Variants in ZC3H4 observed in about 807,000 individuals in gnomAD.
The protein encoded by ZC3H4 is zinc finger CCCH domain-containing protein 4.
A neutral mutation model predicts 108.3 loss-of-function variants in ZC3H4; 13 were observed. That is an observed-to-expected ratio of 0.12 (90% CI 0.08 to 0.19). ZC3H4 has a LOEUF of 0.19. ZC3H4 is among the 10% of genes least tolerant of loss of function. The probability of loss-of-function intolerance (pLI) is 1.00; values close to 1 mark genes in which losing one functional copy is unlikely to be tolerated. For synonymous variants in ZC3H4, 917 were observed against 749.6 expected, an observed-to-expected ratio of 1.22 and a Z score of -3.65; for missense variants, 1,734 against 1,838.8, an observed-to-expected ratio of 0.94 and a Z score of 1.04.
At chr19:47,096,093 A>C (rs572210567) in intron 2 of ZC3H4, among the ~76,000 whole-genome samples, 12 of 152,278 alleles carry the variant, frequency 7.9e-5, no homozygotes, top group Admixed American at 1.3e-4. Context: ...GCTGCTACCC[A>C]AACATCAAGG....
intron 2 of ZC3H4, among the ~76,000 whole-genome samples, chr19:47,095,959 T>C (rs2057813779): frequency 6.6e-6 from 1 of 152,182 alleles, no homozygotes; most frequent in East Asian, 1.9e-4. Flanking sequence ...GGCCCGCAGC[T>C]GCCCAAGCGG....
At chr19:47,108,812 G>A (rs1027989170) in intron 2 of ZC3H4, among the ~76,000 whole-genome samples, 1 of 152,106 alleles carries the variant, frequency 6.6e-6, no homozygotes, top group African/African-American at 2.4e-5. Context: ...TTGTACCTGG[G>A]GGAGAGGACA....
At position 47,112,513 on chromosome 19, in the gene ZC3H4, T is replaced by TGGCGGC; in HGVS notation, c.66_71dup (p.Pro23_Pro24dup). 2.8e-6 allele frequency: 3 copies of TGGCGGC among 1,090,422 alleles called. No individual in the cohort carries two copies. Among genetic ancestry groups the TGGCGGC allele is most frequent in the Non-Finnish European group, 3.5e-6 (3 of 852,164 alleles). 67.5% of individuals were successfully genotyped at this position (1,090,422 alleles called of 1,614,324 possible). On this transcript the variant is annotated inframe_insertion, in exon 2 of 15. Transcript: ENST00000253048. The stretch of plus-strand genomic sequence containing the variant: ...AACACGGAGGAGGCGAAGGCGTTGA[T>TGGCGGC]GGCGGCGGCGGCGATGGCGGCGGCG...
intron 2 of ZC3H4, among the ~76,000 whole-genome samples, chr19:47,111,862 G>A (rs1170816976): frequency 6.6e-6 from 1 of 152,098 alleles, no homozygotes; most frequent in African/African-American, 2.4e-5. Context: ...ATCCAAGTAG[G>A]ACAGGGTGTG....
At chr19:47,081,483 G>C in intron 11 of ZC3H4, 30 bp downstream of exon 11, 1 of 1,582,792 alleles carries the variant, frequency 6.3e-7, no homozygotes, top group Non-Finnish European at 8.7e-7. Flanking sequence ...AGTTCCTGTA[G>C]CCGGGGGCCC....
intron 11 of ZC3H4, among the ~76,000 whole-genome samples, 185 bp downstream of exon 11, chr19:47,081,328 C>G (rs534513100): frequency 8.3e-4 from 127 of 152,342 alleles, no homozygotes; most frequent in African/African-American, 2.9e-3. Context: ...TAAGACAACA[C>G]ATGTGACCAC....
chr19:47,072,848 C>A lies in ZC3H4; in HGVS notation c.1441-135G>T. ...TTGAGATCTAAAGGCATAAAGACCA[C>A]AATGGCTCTGTAACAAAAATCATCA... On this transcript the variant is annotated intron_variant, in intron 11 of 14. Coordinates refer to ENST00000253048, the MANE Select transcript of ZC3H4 (RefSeq NM_015168.2). This position sits in a 1 kb window ranked among gnomAD's most constrained non-coding sequence, Gnocchi z 5.6. 1.0e-6 allele frequency: 1 copy of A among 998,302 alleles called. No individual in the cohort carries two copies. The highest frequency in any genetic ancestry group is 2.7e-5 in the Admixed American group (1 of 37,628). The allele number at this position is 998,302 out of a possible 1,614,324, so 61.8% of individuals were successfully genotyped here.
rs772447614 is a variant in ZC3H4, at chr19:47,069,265, C to T, written c.2225G>A (p.Ser742Asn). 6 of 1,613,924 alleles carry T rather than the reference C, an allele frequency of 3.7e-6. No homozygotes were observed. The African/African-American group carries it at 8.0e-5, about 22-fold the overall frequency. Residue 742 changes from serine (S) to asparagine (N), a missense_variant, in exon 14 of 15, where the codon AGC becomes AAC. By Grantham distance (46) the Ser-to-Asn change is conservative. Coordinates refer to ENST00000253048, the MANE Select transcript of ZC3H4 (RefSeq NM_015168.2). ...GCCTGGGGGCCCTCCCTCAGAGAAGCTGTCGGGCTCCAGAGGGTGCTCAGG... is the reference window on the plus strand; with the variant it reads ...GCCTGGGGGCCCTCCCTCAGAGAAGTTGTCGGGCTCCAGAGGGTGCTCAGG... ...LFPEHPLEPD[S>N]FSEGGPPGRP...
rs531279996 is a variant in ZC3H4 at position 47,071,858 on chromosome 19, G to C, written c.2066C>G (p.Pro689Arg). The C allele has an allele frequency of 6.2e-7, 1 of 1,613,546 alleles. No homozygotes were observed. Among genetic ancestry groups the C allele is most frequent in the African/African-American group, 1.3e-5 (1 of 74,914 alleles). The change falls in exon 13 of 15, where the codon CCG becomes CGG. Residue 689 changes from proline to arginine, a missense_variant. Around this residue, in one of 9 missense-constraint regions of ZC3H4, gnomAD observed 540 missense variants for 484.1 expected, o/e 1.12. Transcript: ENST00000253048. ...SPHSGMMPPIPPAQNFYENFY... is the reference protein window; with the variant it reads ...SPHSGMMPPIRPAQNFYENFY... ...GTTTTCATAGAAGTTCTGGGCTGGCGGGATAGGGGGCATCATTCCAGAATG... is the reference window on the plus strand; with the variant it reads ...GTTTTCATAGAAGTTCTGGGCTGGCCGGATAGGGGGCATCATTCCAGAATG...
chr19:47,093,915 A>G (rs1267003429), intron 4 of ZC3H4, 55 bp downstream of exon 4: 1 of 1,487,030 alleles, frequency 6.7e-7, no homozygotes, highest in Non-Finnish European at 9.3e-7. Context: ...CAAGAAACAC[A>G]AGCAGTTGAA....
In ZC3H4 at chr19:47,093,233, A is replaced by AG. The variant is rs1600085456; in HGVS notation, c.492+736_492+737insC. On this transcript the variant is annotated intron_variant, in intron 4 of 14. Transcript: ENST00000253048. Reference sequence around the variant, plus strand: ...TCTGCCTCAAAAAAAAAAAAAAAAAAAAAAAAATGATTTGCTTTTCTCTTA... The same window carrying AG: ...TCTGCCTCAAAAAAAAAAAAAAAAAAGAAAAAAATGATTTGCTTTTCTCTTA... Among the ~76,000 whole-genome samples the AG allele has an allele frequency of 2.0e-5, 3 of 152,114 alleles. No individual in the cohort carries two copies. The East Asian group carries it at 5.8e-4, about 29-fold the overall frequency.
Position 47,071,783 on chromosome 19 carries a change from TC to T in ZC3H4, c.2140del (p.Asp714MetfsTer58). On this transcript the variant is annotated frameshift_variant, in exon 13 of 15. Coordinates refer to ENST00000253048, the MANE Select transcript of ZC3H4 (RefSeq NM_015168.2). LOFTEE classifies it high-confidence loss of function. ...GMEMEPGLLG[D>X]AEDYGHYEEL... ...ACACCTGGAGTCCCGCATACCTGCA[TC>T]CCCCAGGAGTCCGGGCTCCATCTCC... The T allele has an allele frequency of 6.2e-7, 1 of 1,607,190 alleles. No individual in the cohort carries two copies.
rs570908999 is a variant in ZC3H4 at position 47,089,015 on chromosome 19, G to A, written c.715+952C>T. On this transcript the variant is annotated intron_variant, in intron 5 of 14. Transcript: ENST00000253048. ...GAGGTCACGAGATCGAGACCAGCCT[G>A]ACCAACATGGTGAAACTCCGTCTCT... 1.3e-4 allele frequency among the ~76,000 whole-genome samples: 20 copies of A among 152,000 alleles called. 1 individual carries two copies. The South Asian group carries it at 4.0e-3, about 30-fold the overall frequency.
intron 2 of ZC3H4, chr19:47,110,957 C>G: frequency 1.0e-6 from 1 of 983,480 alleles, no homozygotes; most frequent in Non-Finnish European, 1.2e-6. Flanking sequence ...AAAGTATGGT[C>G]TGTGAAGGAG....
chr19:47,087,071 T>G (rs2057642226), intron 5 of ZC3H4, among the ~76,000 whole-genome samples: 1 of 151,218 alleles, frequency 6.6e-6, no homozygotes, highest in Admixed American at 6.6e-5. Flanking sequence ...AGGTCAGGAG[T>G]TTGAGACCAT....
At position 47,065,420 on chromosome 19, in the gene ZC3H4, C is replaced by CGGATCCTG. The variant is rs1359331685; in HGVS notation, c.*928_*935dup. 1 of 153,114 alleles carries CGGATCCTG rather than the reference C, an allele frequency of 6.5e-6. No homozygotes were observed. Among genetic ancestry groups the CGGATCCTG allele is most frequent in the Non-Finnish European group, 1.5e-5 (1 of 68,446 alleles). The allele number at this position is 153,114 out of a possible 1,614,324, so 9.5% of individuals were successfully genotyped here. On this transcript the variant is annotated 3_prime_UTR_variant, in exon 15 of 15. Coordinates refer to ENST00000253048, the MANE Select transcript of ZC3H4 (RefSeq NM_015168.2). ...GGGGCCTGGCGGCGCAGCCACTGCA[C>CGGATCCTG]GGATCCTGGAGCTGTCCGGGGCTGG... is the stretch of plus-strand genomic sequence containing the variant.
intron 2 of ZC3H4, among the ~76,000 whole-genome samples, chr19:47,099,764 T>C (rs1029551083): frequency 3.4e-5 from 5 of 145,660 alleles, no homozygotes; most frequent in African/African-American, 1.3e-4. Flanking sequence ...GACAAGAGGG[T>C]TGGACGAAAG....
At chr19:47,092,590 G>A (rs539132481) in intron 4 of ZC3H4, among the ~76,000 whole-genome samples, 6 of 152,234 alleles carry the variant, frequency 3.9e-5, no homozygotes, top group Non-Finnish European at 7.4e-5. Flanking sequence ...GCCAAGGCGG[G>A]CGGGTCACCT....
At chr19:47,086,102 C>G (rs760566339) in intron 6 of ZC3H4, among the ~76,000 whole-genome samples, 1 of 152,152 alleles carries the variant, frequency 6.6e-6, no homozygotes, top group East Asian at 1.9e-4. Context: ...CTCCTGACCT[C>G]GTGATCCACC....
Sources: allele counts gnomAD v4.1 joint callset (sites outside exome capture counted in the v4.1 genomes callset), GRCh38; gene constraint gnomAD v4.1.1; regional missense constraint gnomAD v4.1.1; non-coding constraint Gnocchi (gnomAD v3.1); transcripts MANE v1.5; gene names NCBI Gene and HGNC (gene_info 2026-07-23, HGNC 2026-07-21).